Variants in GGA3 observed in about 807,000 individuals in gnomAD.
GGA3 encodes ADP-ribosylation factor-binding protein GGA3.
A neutral mutation model predicts 77.5 loss-of-function variants in GGA3; 57 were observed. The ratio of observed to expected loss-of-function variants is 0.74; its 90% confidence interval spans 0.59 to 0.92. The LOEUF (loss-of-function observed/expected upper bound fraction) is 0.92. GGA3 is among the 40% of genes least tolerant of loss of function. The probability of loss-of-function intolerance (pLI) is 0.00; values close to 1 mark genes in which losing one functional copy is unlikely to be tolerated. For missense variants in GGA3, 970 were observed against 914.9 expected (o/e 1.06, Z -0.78); for synonymous variants, 416 against 383.7 (o/e 1.08, Z -0.98).
At position 75,237,485 on chromosome 17, in the gene GGA3, T is replaced by C. The variant is rs1400152419; in HGVS notation, c.*794A>G. On this transcript the variant is annotated 3_prime_UTR_variant, in exon 17 of 17. Transcript: ENST00000537686. Reference sequence around the variant, plus strand: ...AAGAGGTAGTCAGTAGGATGGCCTGTCCCCACGGCTGGAGGCACGCTTTTC... The same window carrying C: ...AAGAGGTAGTCAGTAGGATGGCCTGCCCCCACGGCTGGAGGCACGCTTTTC... 1.3e-6 allele frequency: 2 copies of C among 1,535,734 alleles called. No homozygotes were observed. Among genetic ancestry groups the C allele is most frequent in the South Asian group, 1.2e-5 (1 of 84,048 alleles).
Position 75,240,379 on chromosome 17 carries a change from T to A in GGA3, c.1226A>T (p.Lys409Ile), listed in dbSNP as rs1289079168. 2 of 1,601,066 alleles carry A rather than the reference T, an allele frequency of 1.2e-6. No individual in the cohort carries two copies. The highest frequency in any genetic ancestry group is 1.7e-5 in the Admixed American group (1 of 57,590). The change falls in exon 12 of 17, where the codon AAA becomes ATA. Residue 409 changes from lysine (K) to isoleucine (I), a missense_variant. Lys to Ile is a moderately radical substitution (Grantham distance 102, BLOSUM62 -3). Transcript: ENST00000537686. ...CCACTGGCTGTTCCCAGCTGACTCT[T>A]TGGGAGGAACATTAGGGGCTGGGTC... ...LADPAPNVPP[K>I]ESAGNSQWHL...
Position 75,248,468 on chromosome 17 carries a change from C to CAAAAAAA in GGA3, c.41-1679_41-1673dup, listed in dbSNP as rs59182526. ...CCTGGGCGACAGCGAGACTCCGTCT[C>CAAAAAAA]AAAAAAAAAAAAAAAAAAAAAAAAA... On this transcript the variant is annotated intron_variant, in intron 1 of 16. Transcript: ENST00000537686. 3.5e-4 allele frequency among the ~76,000 whole-genome samples: 7 copies of CAAAAAAA among 19,776 alleles called. 1 individual carries two copies. Among genetic ancestry groups the CAAAAAAA allele is most frequent in the African/African-American group, 9.3e-4 (5 of 5,400 alleles). The allele number at this position is 19,776 out of a possible 152,430, so 13.0% of individuals were successfully genotyped here. A position where few individuals can be genotyped will look rare whatever the true frequency, so the allele number is the denominator to read the frequency against.
chr17:75,251,407 G>C (rs2076961476), intron 1 of GGA3, among the ~76,000 whole-genome samples: 1 of 151,690 alleles, frequency 6.6e-6, no homozygotes, highest in African/African-American at 2.4e-5. Context: ...ACAGAAATGA[G>C]TGTAAAAACA....
At chr17:75,261,875 T>A (rs1405639682), upstream of GGA3, 1 of 1,604,566 alleles carries the variant, frequency 6.2e-7, no homozygotes, top group Non-Finnish European at 8.5e-7. Context: ...AGGGCAGTCC[T>A]TGTGGGGTCC....
Position 75,243,106 on chromosome 17 carries a change from G to C in GGA3, c.485C>G (p.Pro162Arg), listed in dbSNP as rs757114764. The change falls in exon 6 of 17, where the codon CCT (proline) becomes CGT (arginine). Residue 162 changes from proline to arginine, a missense_variant. Transcript: ENST00000537686. ...VDRTLIPSPP[P>R]RPKNPVFDDE... ...ATCAAAAACAGGGTTTTTGGGACGA[G>C]GTGGTGGAGAGGGGATCAGCGTCCT... The C allele has an allele frequency of 1.2e-4, 195 of 1,613,462 alleles. No homozygotes were observed. Among genetic ancestry groups the C allele is most frequent in the Middle Eastern group, 3.3e-4 (2 of 6,084 alleles).
At position 75,240,897 on chromosome 17, in the gene GGA3, GC is replaced by G; in HGVS notation, c.1106del (p.Arg369ProfsTer155). The G allele has an allele frequency of 6.2e-7, 1 of 1,613,836 alleles. No homozygotes were observed. The highest frequency in any genetic ancestry group is 8.5e-7 in the Non-Finnish European group (1 of 1,179,878). On this transcript the variant is annotated frameshift_variant, in exon 11 of 17. Transcript: ENST00000537686. LOFTEE classifies it high-confidence loss of function. Reference sequence around the variant, plus strand: ...GGGTGGCCTCGGCCTGGCTAGAGGAGCGGCTCCGTGGAGGTCCTGAGGCCTG... The same window carrying G: ...GGGTGGCCTCGGCCTGGCTAGAGGAGGGCTCCGTGGAGGTCCTGAGGCCTG... ...PPQASGPPRS[R>X]SSSQAEATLG...
Position 75,237,291 on chromosome 17 carries a change from A to G in GGA3, c.*988T>C. 1.6e-6 allele frequency: 1 copy of G among 619,544 alleles called. No homozygotes were observed. The highest frequency in any genetic ancestry group is 2.9e-6 in the Non-Finnish European group (1 of 347,612). 38.4% of individuals were successfully genotyped at this position (619,544 alleles called of 1,614,324 possible). On this transcript the variant is annotated 3_prime_UTR_variant, in exon 17 of 17. Transcript: ENST00000537686. ...GGAACAGTTGAGGTTTCTGGGCAGC[A>G]CATTAGGACATATGTCTAGTGTAAC...
At position 75,239,906 on chromosome 17, in the gene GGA3, G is replaced by A. The variant is rs761179039; in HGVS notation, c.1466C>T (p.Ala489Val). The part of the protein sequence containing the change: ...AGSSLFSTGV[A>V]PALAPKVEPA... The stretch of plus-strand genomic sequence containing the variant: ...CTCAACTTTTGGGGCCAAGGCTGGG[G>A]CCACTCCAGTAGAAAACAAGGAGGA... The change falls in exon 13 of 17, where the codon GCC becomes GTC. Residue 489 changes from alanine to valine, a missense_variant. Physicochemically the swap from Ala to Val is moderately conservative, Grantham distance 64 (BLOSUM62 0). Transcript: ENST00000537686. 4 of 1,612,714 alleles carry A rather than the reference G, an allele frequency of 2.5e-6. No individual in the cohort carries two copies. The highest frequency in any genetic ancestry group is 1.7e-5 in the Admixed American group (1 of 59,778).
chr17:75,240,154 G>GGGGGGGGGGGGGGGGGC (rs769211729), intron 12 of GGA3, 46 bp from the exon 13 acceptor site: 9 of 465,492 alleles, frequency 1.9e-5, no homozygotes, highest in East Asian at 5.6e-5. Context: ...GGTGGGGAGG[G>GGGGGGGGGGGGGGGGGC]CCTGCCGCTG....
At chr17:75,261,632 G>A (rs201269502), upstream of GGA3, 198 of 1,502,298 alleles carry the variant, frequency 1.3e-4, no homozygotes, top group Non-Finnish European at 1.7e-4. Flanking sequence ...GCGAGAGTCT[G>A]CACGAGCTGA....
intron 1 of GGA3, among the ~76,000 whole-genome samples, chr17:75,248,493 A>AAAAAAAAAAAAAAAAAAC (rs2076836570): frequency 3.1e-5 from 4 of 131,086 alleles, no homozygotes; most frequent in Middle Eastern, 4.3e-3. Flanking sequence ...AAAAAAAAAA[A>AAAAAAAAAAAAAAAAAAC]ATCACCAGCT....
At chr17:75,259,432 T>C (rs1942451563) in intron 1 of GGA3, among the ~76,000 whole-genome samples, 1 of 152,184 alleles carries the variant, frequency 6.6e-6, no homozygotes, top group Admixed American at 6.5e-5. Context: ...TTTCAAGCAT[T>C]TAGTTGAGGA....
chr17:75,251,036 A>C (rs1233460965), intron 1 of GGA3, among the ~76,000 whole-genome samples: 1 of 149,422 alleles, frequency 6.7e-6, no homozygotes, highest in African/African-American at 2.5e-5. Context: ...AGCTGAGATC[A>C]GGCCATTGCA....
intron 4 of GGA3, 121 bp from the exon 5 acceptor site, chr17:75,243,691 G>C (rs1431146634): frequency 1.4e-5 from 13 of 948,656 alleles, no homozygotes; most frequent in Non-Finnish European, 2.0e-5. Flanking sequence ...AAAATCTGCA[G>C]GTGTCCAAGT....
upstream of GGA3, chr17:75,262,054 G>A: frequency 1.3e-6 from 2 of 1,548,042 alleles, no homozygotes; most frequent in Non-Finnish European, 1.8e-6. Context: ...GGCCGCGTGG[G>A]CCCCTAGAGA....
chr17:75,250,689 G>A (rs1190492955), intron 1 of GGA3, among the ~76,000 whole-genome samples: 1 of 150,910 alleles, frequency 6.6e-6, no homozygotes, highest in Non-Finnish European at 1.5e-5. Flanking sequence ...TTGAACCCAG[G>A]AGGCAGAGGT....
intron 4 of GGA3, among the ~76,000 whole-genome samples, chr17:75,243,967 G>T (rs1298882350): frequency 6.6e-6 from 1 of 152,142 alleles, no homozygotes; most frequent in Non-Finnish European, 1.5e-5. Flanking sequence ...CCATGCCCTC[G>T]GTGCTCACCC....
In GGA3 at chr17:75,240,372, T is replaced by C; in HGVS notation, c.1233A>G (p.Ser411=). 1 of 1,600,754 alleles carries C rather than the reference T, an allele frequency of 6.2e-7. No homozygotes were observed. The highest frequency in any genetic ancestry group is 8.5e-7 in the Non-Finnish European group (1 of 1,174,592). Residue 411 remains serine (S), a synonymous_variant, in exon 12 of 17, where the codon TCA becomes TCG. Transcript: ENST00000537686. ...GCAGGTGCCACTGGCTGTTCCCAGC[T>C]GACTCTTTGGGAGGAACATTAGGGG... ...DPAPNVPPKE[S]AGNSQWHLLQ... is the part of the protein sequence containing the mutation.
chr17:75,261,911 C>T (rs766883967), upstream of GGA3: 3 of 1,608,824 alleles, frequency 1.9e-6, no homozygotes, highest in African/African-American at 1.3e-5. Context: ...ATGGCTGCCC[C>T]CGCAGTGAAG....
Sources: allele counts gnomAD v4.1 joint callset (sites outside exome capture counted in the v4.1 genomes callset), GRCh38; gene constraint gnomAD v4.1.1; transcripts MANE v1.5; gene names NCBI Gene and HGNC (gene_info 2026-07-23, HGNC 2026-07-21).